Variants in EIF3J observed in about 807,000 individuals in gnomAD.
The protein encoded by EIF3J is eukaryotic translation initiation factor 3, subunit 1 (alpha, 35kD).
EIF3J carries 15 observed loss-of-function variants against 39.0 expected under a neutral mutation model. That is an observed-to-expected ratio of 0.38 (90% CI 0.26 to 0.59). EIF3J has a LOEUF of 0.59. Among genes scored for constraint, EIF3J ranks in the 20% least tolerant of loss-of-function variants. The pLI, the probability that EIF3J is intolerant of heterozygous loss-of-function variation, is 0.60. For synonymous variants in EIF3J, 98 were observed against 112.9 expected, an observed-to-expected ratio of 0.87 and a Z score of 0.84; for missense variants, 226 against 308.6, an observed-to-expected ratio of 0.73 and a Z score of 2.00.
intron 5 of EIF3J, among the ~76,000 whole-genome samples, chr15:44,556,602 G>GT (rs1162217804): frequency 2.0e-5 from 3 of 152,096 alleles, no homozygotes; most frequent in African/African-American, 7.2e-5. Flanking sequence ...CGCCTCCTGG[G>GT]TTGAAGTGAT....
chr15:44,559,690 G>C (rs2082175425), intron 6 of EIF3J, among the ~76,000 whole-genome samples: 1 of 149,942 alleles, frequency 6.7e-6, no homozygotes, highest in Admixed American at 6.6e-5. Context: ...CTGGGTGACA[G>C]AGTGAGACTC....
rs2082188235 is a variant in EIF3J at position 44,560,945 on chromosome 15, A to G, written c.646-73A>G. On this transcript the variant is annotated intron_variant, in intron 7 of 7. Coordinates refer to ENST00000261868, the MANE Select transcript of EIF3J (RefSeq NM_003758.4). ...ACCAAAGGTTTTTGTGTGTTTGTTTATGAGGGTTGCTGTACCAGATAAGAT... is the reference window on the plus strand; with the variant it reads ...ACCAAAGGTTTTTGTGTGTTTGTTTGTGAGGGTTGCTGTACCAGATAAGAT... The G allele has an allele frequency of 2.6e-6, 4 of 1,560,678 alleles. No individual in the cohort carries two copies. In the African/African-American group the frequency reaches 5.5e-5, roughly 22 times the overall value.
rs1490363463 is a variant in EIF3J at position 44,551,052 on chromosome 15, C to T, written c.202+122C>T. The T allele has an allele frequency of 2.0e-5, 28 of 1,394,540 alleles. 1 individual carries two copies. The South Asian group carries it at 4.2e-4, about 21-fold the overall frequency. 86.4% of individuals were successfully genotyped at this position (1,394,540 alleles called of 1,614,324 possible). On this transcript the variant is annotated intron_variant, in intron 3 of 7. Coordinates refer to ENST00000261868, the MANE Select transcript of EIF3J (RefSeq NM_003758.4). ...ATTTTGGTATTTAGAAACCAAGTGT[C>T]CTTCCATTCCCACTTTATTCTGTTT...
At chr15:44,539,600 C>G (rs531592376) in intron 2 of EIF3J, among the ~76,000 whole-genome samples, 2 of 151,796 alleles carry the variant, frequency 1.3e-5, no homozygotes, top group South Asian at 2.1e-4. Flanking sequence ...CGGGGTTTCA[C>G]CGTGTTAGCC....
chr15:44,551,899 G>A (rs903663213), intron 4 of EIF3J, among the ~76,000 whole-genome samples: 1 of 151,060 alleles, frequency 6.6e-6, no homozygotes, highest in African/African-American at 2.4e-5. Flanking sequence ...GCACAATCTC[G>A]GCTCAGTGCA....
In EIF3J at chr15:44,550,899, T is replaced by C. The variant is rs778780412; in HGVS notation, c.171T>C (p.Asp57=). 10 of 1,608,898 alleles carry C rather than the reference T, an allele frequency of 6.2e-6. No individual in the cohort carries two copies. Among genetic ancestry groups the C allele is most frequent in the Non-Finnish European group, 8.5e-6 (10 of 1,176,806 alleles). Residue 57 remains aspartate, a synonymous_variant, in exon 3 of 8, where the codon GAT becomes GAC. Coordinates refer to ENST00000261868, the MANE Select transcript of EIF3J (RefSeq NM_003758.4). ...AGGATAACTGGGATGACGATGATGA[T>C]GAAAAAAAAGAGGAAGCAGAAGTAA... ...DVKDNWDDDD[D]EKKEEAEVKP... is the part of the protein sequence containing the mutation.
intron 7 of EIF3J, 87 bp downstream of exon 7, chr15:44,560,409 C>A: frequency 1.5e-6 from 2 of 1,299,292 alleles, no homozygotes; most frequent in Non-Finnish European, 2.1e-6. Flanking sequence ...GGAGCCTGTC[C>A]TAATTAAAAG....
intron 6 of EIF3J, among the ~76,000 whole-genome samples, chr15:44,559,719 A>AT (rs2082175813): frequency 6.6e-6 from 1 of 151,756 alleles, no homozygotes; most frequent in Non-Finnish European, 1.5e-5. Context: ...AAAAAAAAAA[A>AT]AATAATAGTA....
chr15:44,555,528 A>G (rs1459644286), intron 5 of EIF3J, among the ~76,000 whole-genome samples: 1 of 152,182 alleles, frequency 6.6e-6, no homozygotes, highest in Non-Finnish European at 1.5e-5. Context: ...AGTTGATGTG[A>G]ATGCTCCTGT....
chr15:44,549,142 C>G (rs1035985539), intron 2 of EIF3J, among the ~76,000 whole-genome samples: 1 of 152,096 alleles, frequency 6.6e-6, no homozygotes, highest in African/African-American at 2.4e-5. Flanking sequence ...GCCTGTACTC[C>G]CAGCACTTCG....
rs2082189755 is a variant in EIF3J at position 44,561,047 on chromosome 15, TG to T, written c.676del (p.Val226TrpfsTer7). 1 of 1,613,428 alleles carries T rather than the reference TG, an allele frequency of 6.2e-7. No individual in the cohort carries two copies. Among genetic ancestry groups the T allele is most frequent in the Non-Finnish European group, 8.5e-7 (1 of 1,179,796 alleles). On this transcript the variant is annotated frameshift_variant, in exon 8 of 8. Transcript: ENST00000261868. LOFTEE classifies it high-confidence loss of function. The part of the protein sequence containing the change: ...QSKAKKKKKG[V>X]VPGGGLKATM... ...GCAAAGCCAAAAAGAAGAAGAAAGG[TG>T]TGGTTCCTGGAGGGGGATTAAAAGC...
At chr15:44,539,546 GC>G (rs1229140667) in intron 2 of EIF3J, among the ~76,000 whole-genome samples, 5 of 150,096 alleles carry the variant, frequency 3.3e-5, no homozygotes, top group Non-Finnish European at 7.4e-5. Flanking sequence ...GACTACAGGT[GC>G]CCACCACCAC....
At chr15:44,540,913 T>G (rs1489892908) in intron 2 of EIF3J, among the ~76,000 whole-genome samples, 1 of 152,238 alleles carries the variant, frequency 6.6e-6, no homozygotes, top group Non-Finnish European at 1.5e-5. Context: ...AACTGATGTT[T>G]TTGTTATTAT....
At position 44,537,191 on chromosome 15, in the gene EIF3J, C is replaced by T. The variant is rs1411294799; in HGVS notation, c.-4C>T. The T allele has an allele frequency of 6.8e-6, 11 of 1,606,684 alleles. No homozygotes were observed. The highest frequency in any genetic ancestry group is 1.7e-5 in the Admixed American group (1 of 59,738). ...CTCTCACACACGCTCACACCCGGCTCGAGATGGCGGCGGCGGCGGCGGCGG... is the reference window on the plus strand; with the variant it reads ...CTCTCACACACGCTCACACCCGGCTTGAGATGGCGGCGGCGGCGGCGGCGG... On this transcript the variant is annotated 5_prime_UTR_variant, in exon 1 of 8. Coordinates refer to ENST00000261868, the MANE Select transcript of EIF3J (RefSeq NM_003758.4).
At chr15:44,556,292 T>G (rs901244703) in intron 5 of EIF3J, among the ~76,000 whole-genome samples, 3 of 152,208 alleles carry the variant, frequency 2.0e-5, no homozygotes, top group African/African-American at 7.2e-5. Context: ...CCCACTTTAC[T>G]GTGGGGGTGT....
At position 44,537,382 on chromosome 15, in the gene EIF3J, C is replaced by G. The variant is rs192493350; in HGVS notation, c.102C>G (p.Ala34=). ...GGAAGGTGGGGGGCGGCGGCACTGC[C>G]GGCGGGGACCGCTGGGAAGGCGAGG... ...PVRKVGGGGT[A]GGDRWEGEDE... Residue 34 remains alanine, a synonymous_variant, in exon 2 of 8, where the codon GCC becomes GCG. Coordinates refer to ENST00000261868, the MANE Select transcript of EIF3J (RefSeq NM_003758.4). 3 of 1,566,500 alleles carry G rather than the reference C, an allele frequency of 1.9e-6. No individual in the cohort carries two copies. The highest frequency in any genetic ancestry group is 2.3e-5 in the East Asian group (1 of 42,584).
chr15:44,559,438 C>T (rs1201147059), intron 6 of EIF3J, among the ~76,000 whole-genome samples: 5 of 147,258 alleles, frequency 3.4e-5, no homozygotes, highest in African/African-American at 7.5e-5. Flanking sequence ...AGGCCGGGTG[C>T]GGTGGCTCAC....
chr15:44,537,259 A>C (rs1212041319), intron 1 of EIF3J, 22 bp downstream of exon 1: 7 of 1,577,606 alleles, frequency 4.4e-6, no homozygotes, highest in Non-Finnish European at 6.0e-6. Flanking sequence ...TTGCTGGGGC[A>C]GGGCCCGGGC....
At chr15:44,552,192 A>G (rs1057383398) in intron 4 of EIF3J, among the ~76,000 whole-genome samples, 1 of 152,100 alleles carries the variant, frequency 6.6e-6, no homozygotes, top group Non-Finnish European at 1.5e-5. Context: ...GCCATGTGCT[A>G]TATAAATGTA....
Sources: allele counts gnomAD v4.1 joint callset (sites outside exome capture counted in the v4.1 genomes callset), GRCh38; gene constraint gnomAD v4.1.1; transcripts MANE v1.5; gene names NCBI Gene and HGNC (gene_info 2026-07-23, HGNC 2026-07-21).